KLRG2: variants seen among roughly 807,000 people sequenced by gnomAD.
KLRG2 encodes killer cell lectin-like receptor subfamily G member 2.
KLRG2 carries 39 observed loss-of-function variants against 35.4 expected under a neutral mutation model. The ratio of observed to expected loss-of-function variants is 1.10; its 90% CI spans 0.85 to 1.44. The LOEUF (loss-of-function observed/expected upper bound fraction) is 1.44, where lower values mean the gene tolerates loss of function less well. Among genes scored for constraint, KLRG2 ranks in the 40% most tolerant of loss-of-function variants. The pLI, the probability that KLRG2 is intolerant of heterozygous loss-of-function variation, is 0.00. For missense variants in KLRG2, 632 were observed against 570.9 expected (o/e 1.11, Z -1.09); for synonymous variants, 283 against 265.8 (o/e 1.06, Z -0.63).
Position 139,453,722 on chromosome 7 carries a change from G to A in KLRG2, c.1110-15C>T. The A allele has an allele frequency of 1.9e-6, 3 of 1,613,796 alleles. No individual in the cohort carries two copies. Among genetic ancestry groups the A allele is most frequent in the Non-Finnish European group, 2.5e-6 (3 of 1,179,882 alleles). Reference sequence around the variant, plus strand: ...CCTCAGGGAGTCTGGGAAAGGATGGGAGGGGAAAGAGGAGAGGTGTTTAGG... The same window carrying A: ...CCTCAGGGAGTCTGGGAAAGGATGGAAGGGGAAAGAGGAGAGGTGTTTAGG... On this transcript the variant is annotated splice_polypyrimidine_tract_variant and intron_variant, in intron 4 of 4. Transcript: ENST00000340940.
At chr7:139,445,584 G>A in the KLRG2 span, among the ~76,000 whole-genome samples, 1 of 151,464 alleles carries the variant, frequency 6.6e-6, no homozygotes, top group African/African-American at 2.4e-5. Context: ...CCTGACAGGT[G>A]GCAGGGGACC....
the KLRG2 span, among the ~76,000 whole-genome samples, chr7:139,430,694 G>A: frequency 8.7e-4 from 132 of 152,162 alleles, 3 homozygotes; most frequent in African/African-American, 2.9e-3. Flanking sequence ...TCATAAGAGC[G>A]GAAATATCCA....
At chr7:139,430,024 CTCTGAA>C in the KLRG2 span, among the ~76,000 whole-genome samples, 1 of 152,210 alleles carries the variant, frequency 6.6e-6, no homozygotes, top group Non-Finnish European at 1.5e-5. Context: ...TCTCTAAACA[CTCTGAA>C]TCAGAATCAC....
chr7:139,469,798 G>T (rs772998494), intron 3 of KLRG2, among the ~76,000 whole-genome samples: 1 of 152,214 alleles, frequency 6.6e-6, no homozygotes, highest in Non-Finnish European at 1.5e-5. Flanking sequence ...GAAGACTACA[G>T]GACTAGGAGG....
the KLRG2 span, among the ~76,000 whole-genome samples, chr7:139,440,167 T>C: frequency 6.6e-6 from 1 of 152,166 alleles, no homozygotes; most frequent in African/African-American, 2.4e-5. Flanking sequence ...TGGAGTGCAG[T>C]GGCACCGTCT....
In KLRG2 at chr7:139,479,770, C is replaced by A; in HGVS notation, c.862G>T (p.Ala288Ser). ...CCTGGGGGGCACTGCTGGCATCTGGCTCCTGCAAGCACAGAGACTGCTGGT... is the reference window on the plus strand; with the variant it reads ...CCTGGGGGGCACTGCTGGCATCTGGATCCTGCAAGCACAGAGACTGCTGGT... ...VIVVLASRAGARCQQCPPGWV... is the reference protein window; with the variant it reads ...VIVVLASRAGSRCQQCPPGWV... Residue 288 changes from alanine (A) to serine (S), a missense_variant and splice_region_variant, in exon 3 of 5, where the codon GCC becomes TCC. By Grantham distance (99) the Ala-to-Ser change is moderately conservative. Transcript: ENST00000340940. 1 of 1,613,262 alleles carries A rather than the reference C, an allele frequency of 6.2e-7. No homozygotes were observed. The highest frequency in any genetic ancestry group is 8.5e-7 in the Non-Finnish European group (1 of 1,179,644).
chr7:139,432,652 TTCAAGC>T, the KLRG2 span, among the ~76,000 whole-genome samples: 1 of 149,572 alleles, frequency 6.7e-6, no homozygotes, highest in Admixed American at 6.7e-5. Flanking sequence ...GCTTCCTGGG[TTCAAGC>T]GCCACATCTG....
chr7:139,430,036 A>T, the KLRG2 span, among the ~76,000 whole-genome samples: 1 of 152,236 alleles, frequency 6.6e-6, no homozygotes, highest in East Asian at 1.9e-4. Context: ...CTGAATCAGA[A>T]TCACAAAATA....
chr7:139,478,555 A>AG (rs1796897104), intron 3 of KLRG2, among the ~76,000 whole-genome samples: 1 of 151,898 alleles, frequency 6.6e-6, no homozygotes, highest in African/African-American at 2.4e-5. Context: ...CTGTAATCCC[A>AG]GCTACTTGGG....
At chr7:139,428,663 A>G in the KLRG2 span, among the ~76,000 whole-genome samples, 1 of 151,956 alleles carries the variant, frequency 6.6e-6, no homozygotes, top group African/African-American at 2.4e-5. Context: ...GACTGAAGAG[A>G]TGATAATCAG....
chr7:139,435,519 G>A, the KLRG2 span, among the ~76,000 whole-genome samples: 12 of 152,270 alleles, frequency 7.9e-5, no homozygotes, highest in Admixed American at 5.9e-4. Context: ...TAAGCATACA[G>A]TAAGTTGACA....
At chr7:139,467,746 G>A (rs1045674488) in intron 3 of KLRG2, among the ~76,000 whole-genome samples, 1 of 151,970 alleles carries the variant, frequency 6.6e-6, no homozygotes, top group Non-Finnish European at 1.5e-5. Flanking sequence ...ATTGTCCAAG[G>A]TTTCTCCCCA....
At chr7:139,456,872 C>G (rs766467322) in intron 3 of KLRG2, among the ~76,000 whole-genome samples, 1 of 152,140 alleles carries the variant, frequency 6.6e-6, no homozygotes, top group African/African-American at 2.4e-5. Context: ...TACTCAGCAT[C>G]GCACTATGAT....
chr7:139,435,037 G>GC, the KLRG2 span, among the ~76,000 whole-genome samples: 1 of 152,138 alleles, frequency 6.6e-6, no homozygotes, highest in African/African-American at 2.4e-5. Context: ...TCATGATAGG[G>GC]CCTGGGGGAG....
At chr7:139,479,593 C>A in intron 3 of KLRG2, 34 bp downstream of exon 3, 1 of 1,598,362 alleles carries the variant, frequency 6.3e-7, no homozygotes. Flanking sequence ...CTAGAAAGAT[C>A]TGTACCCCCT....
the KLRG2 span, among the ~76,000 whole-genome samples, chr7:139,429,335 A>G: frequency 6.6e-6 from 1 of 151,832 alleles, no homozygotes; most frequent in Non-Finnish European, 1.5e-5. Flanking sequence ...CATCACTTCA[A>G]GTCGTTCTTT....
At chr7:139,435,024 G>A in the KLRG2 span, among the ~76,000 whole-genome samples, 3 of 152,140 alleles carry the variant, frequency 2.0e-5, no homozygotes, top group Admixed American at 1.3e-4. Context: ...GGTACTCAAG[G>A]TATCATGATA....
the KLRG2 span, among the ~76,000 whole-genome samples, chr7:139,432,941 G>A: frequency 2.0e-5 from 3 of 151,942 alleles, no homozygotes; most frequent in Non-Finnish European, 2.9e-5. Context: ...ATCAAGATAC[G>A]GACCATTTCC....
In KLRG2 at chr7:139,483,472, C is replaced by A. The variant is rs764642191; in HGVS notation, c.171G>T (p.Ala57=). ...TCGAGGGCTCCAGGCCTGCGCCCGC[C>A]GCCTTCTCCACGGCCCCGGCCGGAC... ...SPSPAGAVEK[A]AGAGLEPSSK... is the part of the protein sequence containing the mutation. Residue 57 remains alanine, a synonymous_variant, in exon 1 of 5, where the codon GCG becomes GCT. Coordinates refer to ENST00000340940, the MANE Select transcript of KLRG2 (RefSeq NM_198508.4). 1 of 1,591,876 alleles carries A rather than the reference C, an allele frequency of 6.3e-7. No homozygotes were observed. The highest frequency in any genetic ancestry group is 8.5e-7 in the Non-Finnish European group (1 of 1,176,730).
Sources: allele counts gnomAD v4.1 joint callset (sites outside exome capture counted in the v4.1 genomes callset), GRCh38; gene constraint gnomAD v4.1.1; transcripts MANE v1.5; gene names NCBI Gene and HGNC (gene_info 2026-07-23, HGNC 2026-07-21).